ZNF197: variants seen among roughly 807,000 people sequenced by gnomAD.
ZNF197 encodes zinc finger protein 197.
Under a neutral mutation model 27.4 loss-of-function variants are expected in ZNF197, and 14 were observed. The ratio of observed to expected loss-of-function variants is 0.51; its 90% CI spans 0.34 to 0.80. ZNF197 has a LOEUF of 0.80. ZNF197 is among the 30% of genes least tolerant of loss of function. The probability of loss-of-function intolerance (pLI) is 0.02; values close to 1 mark genes in which losing one functional copy is unlikely to be tolerated. For missense variants in ZNF197, 1,090 were observed against 1,222.6 expected, an observed-to-expected ratio of 0.89 and a Z score of 1.62; for synonymous variants, 415 against 420.0, an observed-to-expected ratio of 0.99 and a Z score of 0.15.
At chr3:44,632,283 G>A (rs1388150303) in intron 4 of ZNF197, 87 bp downstream of exon 4, 2 of 1,539,858 alleles carry the variant, frequency 1.3e-6, no homozygotes, top group African/African-American at 1.4e-5. Flanking sequence ...TCAATGTCCA[G>A]TCAGTTCCCA....
intron 3 of ZNF197, 105 bp from the exon 4 acceptor site, chr3:44,632,000 C>T (rs1702041007): frequency 9.6e-7 from 1 of 1,045,416 alleles, no homozygotes; most frequent in East Asian, 2.4e-5. Context: ...CACGCCCTGC[C>T]TTGTATCATT....
rs1372068984 is a variant in ZNF197 at position 44,644,847 on chromosome 3, C to T, written c.*627C>T. The T allele has an allele frequency of 1.5e-5, 14 of 960,950 alleles. No homozygotes were observed. Among genetic ancestry groups the T allele is most frequent in the East Asian group, 2.3e-4 (2 of 8,680 alleles). The allele number at this position is 960,950 out of a possible 1,614,324, so 59.5% of individuals were successfully genotyped here. A position where few individuals can be genotyped will look rare whatever the true frequency, so the allele number is the denominator to read the frequency against. ...CAAGCCTGGGTAACACGGGGAGACC[C>T]GTCTTTAGTAAATAAAAATAAATTT... On this transcript the variant is annotated 3_prime_UTR_variant, in exon 6 of 6. Coordinates refer to ENST00000344387, the MANE Select transcript of ZNF197 (RefSeq NM_006991.5).
Position 44,644,479 on chromosome 3 carries a change from A to G in ZNF197, c.*259A>G, listed in dbSNP as rs1234408768. ...CATGGTGAAACCCCATCTCTACTAA[A>G]ATACAAAAATTATCCGGGCATGGGG... On this transcript the variant is annotated 3_prime_UTR_variant, in exon 6 of 6. Transcript: ENST00000344387. 3.3e-6 allele frequency: 3 copies of G among 897,860 alleles called. No homozygotes were observed. Among genetic ancestry groups the G allele is most frequent in the Non-Finnish European group, 4.2e-6 (3 of 712,166 alleles). The allele number at this position is 897,860 out of a possible 1,614,324, so 55.6% of individuals were successfully genotyped here.
chr3:44,629,535 A>C lies in ZNF197; in HGVS notation c.381A>C (p.Pro127=), dbSNP rs1297354525. The C allele has an allele frequency of 6.4e-7, 1 of 1,557,698 alleles. No homozygotes were observed. The highest frequency in any genetic ancestry group is 2.2e-5 in the East Asian group (1 of 44,492). ...VEELQKDLDG[P]AIQVPVLVKD... ...AGCTGCAGAAAGACCTTGATGGACC[A>C]GCAATACAAGTGAGAAAGACAGGGA... Residue 127 remains proline, a synonymous_variant, in exon 2 of 6, where the codon CCA becomes CCC. Transcript: ENST00000344387.
At chr3:44,632,384 A>C in intron 4 of ZNF197, 89 bp from the exon 5 acceptor site, 1 of 1,534,492 alleles carries the variant, frequency 6.5e-7, no homozygotes. Context: ...TCATGGCCTC[A>C]CAGTGTATCC....
rs1702946325 is a variant in ZNF197, at chr3:44,646,199, A to G, written c.*1979A>G. On this transcript the variant is annotated 3_prime_UTR_variant, in exon 6 of 6. Coordinates refer to ENST00000344387, the MANE Select transcript of ZNF197 (RefSeq NM_006991.5). ...ATCTCTTCAGTTCTTGGAGCCTTGAATTCCTCATCTGTTAAACAGGAGGAA... is the reference window on the plus strand; with the variant it reads ...ATCTCTTCAGTTCTTGGAGCCTTGAGTTCCTCATCTGTTAAACAGGAGGAA... The G allele has an allele frequency of 1.0e-6, 1 of 979,482 alleles. No homozygotes were observed. Among genetic ancestry groups the G allele is most frequent in the Non-Finnish European group, 1.2e-6 (1 of 824,676 alleles). The allele number at this position is 979,482 out of a possible 1,614,324, so 60.7% of individuals were successfully genotyped here. A position where few individuals can be genotyped will look rare whatever the true frequency, so the allele number is the denominator to read the frequency against.
chr3:44,632,256 T>C, intron 4 of ZNF197, 60 bp downstream of exon 4: 1 of 1,581,916 alleles, frequency 6.3e-7, no homozygotes, highest in Non-Finnish European at 8.7e-7. Context: ...TGAAGTGCCC[T>C]CTCTCATCCT....
chr3:44,640,888 G>T lies in ZNF197; in HGVS notation c.770-1012G>T, dbSNP rs1297382078. On this transcript the variant is annotated intron_variant, in intron 5 of 5. Coordinates refer to ENST00000344387, the MANE Select transcript of ZNF197 (RefSeq NM_006991.5). The surrounding 1 kb of genome is among the most constrained non-coding windows in gnomAD (Gnocchi z 4.0). ...TCAAGTTAATATTTGTTGGATATTT[G>T]CCATCCTCATCCTTTCATAAACTTA... Among the ~76,000 whole-genome samples, 1 of 152,168 alleles carries T rather than the reference G, an allele frequency of 6.6e-6. No homozygotes were observed. The highest frequency in any genetic ancestry group is 1.5e-5 in the Non-Finnish European group (1 of 68,024).
intron 1 of ZNF197, among the ~76,000 whole-genome samples, chr3:44,628,556 T>G (rs1479851373): frequency 6.6e-6 from 1 of 152,236 alleles, no homozygotes; most frequent in African/African-American, 2.4e-5. Flanking sequence ...TGATTACTTG[T>G]TAACTCTGCG....
chr3:44,632,701 A>G (rs1389765594), intron 5 of ZNF197, 102 bp downstream of exon 5: 2 of 1,322,676 alleles, frequency 1.5e-6, no homozygotes, highest in Non-Finnish European at 2.0e-6. Flanking sequence ...AACACCGAAT[A>G]TTACAAAGAA....
intron 5 of ZNF197, 94 bp from the exon 6 acceptor site, chr3:44,641,806 G>A (rs1702617389): frequency 7.2e-7 from 1 of 1,394,348 alleles, no homozygotes; most frequent in African/African-American, 1.5e-5. Flanking sequence ...ATATTAAAGT[G>A]TGCCTTCCTA....
intron 5 of ZNF197, among the ~76,000 whole-genome samples, chr3:44,634,254 C>G (rs1702157705): frequency 6.6e-6 from 1 of 152,102 alleles, no homozygotes; most frequent in Admixed American, 6.6e-5. Flanking sequence ...TACTCCTATT[C>G]ATATACTTCC....
intron 5 of ZNF197, among the ~76,000 whole-genome samples, chr3:44,634,113 A>C (rs1702149792): frequency 1.3e-5 from 2 of 152,200 alleles, no homozygotes; most frequent in Non-Finnish European, 2.9e-5. Flanking sequence ...TTTTCCCTGG[A>C]TATGCTCATG....
Position 44,644,390 on chromosome 3 carries a change from G to C in ZNF197, c.*170G>C, listed in dbSNP as rs1702829605. 7.3e-6 allele frequency: 10 copies of C among 1,369,338 alleles called. No individual in the cohort carries two copies. The highest frequency in any genetic ancestry group is 9.4e-6 in the Non-Finnish European group (10 of 1,067,234). The allele number at this position is 1,369,338 out of a possible 1,614,324, so 84.8% of individuals were successfully genotyped here. A position where few individuals can be genotyped will look rare whatever the true frequency, so the allele number is the denominator to read the frequency against. Reference sequence around the variant, plus strand: ...TTGGTGGCTCATGCCTGTAATCCCAGCACTTTGAGAGGCCGAAGCGAGTGG... The same window carrying C: ...TTGGTGGCTCATGCCTGTAATCCCACCACTTTGAGAGGCCGAAGCGAGTGG... On this transcript the variant is annotated 3_prime_UTR_variant, in exon 6 of 6. Coordinates refer to ENST00000344387, the MANE Select transcript of ZNF197 (RefSeq NM_006991.5).
At chr3:44,632,451 T>A in intron 4 of ZNF197, 22 bp from the exon 5 acceptor site, 1 of 1,565,276 alleles carries the variant, frequency 6.4e-7, no homozygotes, top group Non-Finnish European at 8.6e-7. Flanking sequence ...ATTGGTAATC[T>A]CACACACACT....
In ZNF197 at chr3:44,643,715, T is replaced by C. The variant is rs759463328; in HGVS notation, c.2585T>C (p.Ile862Thr). 29 of 1,614,116 alleles carry C rather than the reference T, an allele frequency of 1.8e-5. No homozygotes were observed. Among genetic ancestry groups the C allele is most frequent in the East Asian group, 4.5e-5 (2 of 44,884 alleles). ...GGTTTTACGTACAACAGAAACCTGA[T>C]TGAACATCAAAGAATTCACAGTGGA... The part of the protein sequence containing the change: ...GKGFTYNRNL[I>T]EHQRIHSGEK... Residue 862 changes from isoleucine to threonine, a missense_variant, in exon 6 of 6, where the codon ATT becomes ACT. Coordinates refer to ENST00000344387, the MANE Select transcript of ZNF197 (RefSeq NM_006991.5).
chr3:44,643,299 C>A lies in ZNF197; in HGVS notation c.2169C>A (p.Val723=), dbSNP rs775031017. 3.7e-6 allele frequency: 6 copies of A among 1,613,594 alleles called. No individual in the cohort carries two copies. Among genetic ancestry groups the A allele is most frequent in the Middle Eastern group, 1.7e-4 (1 of 6,058 alleles). Residue 723 remains valine, a synonymous_variant, in exon 6 of 6, where the codon GTC becomes GTA. Coordinates refer to ENST00000344387, the MANE Select transcript of ZNF197 (RefSeq NM_006991.5). ...TTATTATGAGCAAAAGTTTTATGGT[C>A]CATCAGAAACTCCATACACAAGAGA... is the stretch of plus-strand genomic sequence containing the variant. ...KTFIMSKSFM[V]HQKLHTQEKA...
At chr3:44,629,050 CA>C in intron 1 of ZNF197, 23 bp from the exon 2 acceptor site, 2 of 1,491,342 alleles carry the variant, frequency 1.3e-6, no homozygotes, top group East Asian at 4.6e-5. Context: ...CTAACTTTAA[CA>C]ATGATTTCTT....
At position 44,646,180 on chromosome 3, in the gene ZNF197, T is replaced by C; in HGVS notation, c.*1960T>C. ...GCCATCTGCCTCAGAAAAAATCTCT[T>C]CAGTTCTTGGAGCCTTGAATTCCTC... On this transcript the variant is annotated 3_prime_UTR_variant, in exon 6 of 6. Transcript: ENST00000344387. The C allele has an allele frequency of 1.0e-6, 1 of 982,144 alleles. No homozygotes were observed. The highest frequency in any genetic ancestry group is 1.2e-6 in the Non-Finnish European group (1 of 826,982). 60.8% of individuals were successfully genotyped at this position (982,144 alleles called of 1,614,324 possible). A position where few individuals can be genotyped will look rare whatever the true frequency, so the allele number is the denominator to read the frequency against.
Sources: allele counts gnomAD v4.1 joint callset (sites outside exome capture counted in the v4.1 genomes callset), GRCh38; gene constraint gnomAD v4.1.1; non-coding constraint Gnocchi (gnomAD v3.1); transcripts MANE v1.5; gene names NCBI Gene and HGNC (gene_info 2026-07-23, HGNC 2026-07-21).